Variants in LARP4 observed in about 807,000 individuals in gnomAD.
LARP4 encodes la-related protein 4.
A neutral mutation model predicts 92.9 loss-of-function variants in LARP4; 29 were observed. The ratio of observed to expected loss-of-function variants is 0.31; its 90% confidence interval spans 0.23 to 0.43. The LOEUF is 0.43. LARP4 is among the 20% of genes least tolerant of loss of function. The probability of loss-of-function intolerance (pLI) is 1.00; values close to 1 mark genes in which losing one functional copy is unlikely to be tolerated. For missense variants in LARP4, 732 were observed against 860.0 expected (o/e 0.85, Z 1.86); for synonymous variants, 279 against 284.1 (o/e 0.98, Z 0.18).
At chr12:50,468,532 C>A (rs1294752705) in intron 13 of LARP4, among the ~76,000 whole-genome samples, 4 of 146,454 alleles carry the variant, frequency 2.7e-5, no homozygotes, top group South Asian at 2.2e-4. Context: ...CTCCTGACAT[C>A]GTGATCCGCC....
intron 12 of LARP4, among the ~76,000 whole-genome samples, chr12:50,466,622 A>G (rs1273969447): frequency 6.6e-6 from 1 of 152,194 alleles, no homozygotes; most frequent in East Asian, 1.9e-4. Flanking sequence ...TCAAAAAAAA[A>G]AGAGTTGATA....
chr12:50,400,919 AGT>A lies in LARP4; in HGVS notation c.-85_-84del, dbSNP rs1943688811. ...CACTGCCGGGTGGAGGGGCAAGGCG[AGT>A]GTGTGTCCTTATCCTAGCAATTGGG... On this transcript the variant is annotated 5_prime_UTR_variant, in exon 1 of 16. Coordinates refer to ENST00000398473, the MANE Select transcript of LARP4 (RefSeq NM_052879.5). The A allele has an allele frequency of 1.3e-6, 2 of 1,566,740 alleles. No homozygotes were observed. The highest frequency in any genetic ancestry group is 2.7e-5 in the African/African-American group (2 of 73,916).
At position 50,474,093 on chromosome 12, in the gene LARP4, A is replaced by T. The variant is rs376999643; in HGVS notation, c.1762A>T (p.Thr588Ser). 4 of 1,613,160 alleles carry T rather than the reference A, an allele frequency of 2.5e-6. No homozygotes were observed. In the South Asian group the frequency reaches 4.4e-5, roughly 18 times the overall value. The change falls in exon 15 of 16, where the codon ACA becomes TCA. Residue 588 changes from threonine to serine, a missense_variant. Physicochemically the swap from Thr to Ser is moderately conservative, Grantham distance 58. Coordinates refer to ENST00000398473, the MANE Select transcript of LARP4 (RefSeq NM_052879.5). ...TATACCAGTTTCTCCTCCAAGTACT[A>T]CAAAGCCATCGAGGGCAAGTACTGC... ...TTIPVSPPSTTKPSRASTASP... is the reference protein window; with the variant it reads ...TTIPVSPPSTSKPSRASTASP...
rs546813885 is a variant in LARP4, at chr12:50,472,896, T to G, written c.1546-519T>G. 1.4e-4 allele frequency among the ~76,000 whole-genome samples: 22 copies of G among 151,996 alleles called. No individual in the cohort carries two copies. The East Asian group carries it at 4.1e-3, about 28-fold the overall frequency. ...GTGCAGTGGTGCAATCTTGGCTCAC[T>G]GCAACCTCCGCCTCCCAGGTCCTGG... On this transcript the variant is annotated intron_variant, in intron 13 of 15. Transcript: ENST00000398473.
intron 1 of LARP4, among the ~76,000 whole-genome samples, chr12:50,420,153 A>G (rs1278980900): frequency 7.9e-5 from 12 of 152,204 alleles, no homozygotes; most frequent in Admixed American, 7.9e-4. Flanking sequence ...AAAGTTGATC[A>G]GATAGATTTG....
At chr12:50,466,473 T>C (rs1956163213) in intron 12 of LARP4, among the ~76,000 whole-genome samples, 1 of 151,832 alleles carries the variant, frequency 6.6e-6, no homozygotes, top group Non-Finnish European at 1.5e-5. Context: ...AATAAAAATT[T>C]AGCCAGGTGT....
intron 5 of LARP4, among the ~76,000 whole-genome samples, chr12:50,437,413 A>G (rs955290630): frequency 3.3e-5 from 5 of 151,754 alleles, no homozygotes; most frequent in African/African-American, 9.6e-5. Context: ...TATCTCCTCA[A>G]TGAAGAATTT....
chr12:50,474,961 C>T (rs944374367), intron 15 of LARP4, among the ~76,000 whole-genome samples: 2 of 152,212 alleles, frequency 1.3e-5, no homozygotes, highest in African/African-American at 4.8e-5. Context: ...ATTTAGAAGA[C>T]TATCTTCTCA....
intron 8 of LARP4, among the ~76,000 whole-genome samples, chr12:50,448,284 A>G (rs114494254): frequency 0.013 from 1,990 of 152,262 alleles, 48 homozygotes; most frequent in African/African-American, 0.044. Context: ...TGTACAGTTT[A>G]GTGCTATTAA....
intron 8 of LARP4, among the ~76,000 whole-genome samples, chr12:50,444,738 T>C (rs1951742591): frequency 6.6e-6 from 1 of 152,196 alleles, no homozygotes. Context: ...CATTTCCTAA[T>C]TTATTGATGA....
At chr12:50,451,147 T>C (rs1384663205) in intron 8 of LARP4, among the ~76,000 whole-genome samples, 1 of 152,194 alleles carries the variant, frequency 6.6e-6, no homozygotes, top group Non-Finnish European at 1.5e-5. Context: ...TTATTAACTA[T>C]CATCACCCTG....
intron 1 of LARP4, 169 bp downstream of exon 1, chr12:50,401,197 A>G: frequency 1.3e-6 from 1 of 741,834 alleles, no homozygotes; most frequent in East Asian, 2.5e-5. Context: ...CTGCGCGCTC[A>G]CAACACTCTA....
intron 1 of LARP4, among the ~76,000 whole-genome samples, chr12:50,426,049 C>T (rs1433880101): frequency 6.6e-6 from 1 of 152,162 alleles, no homozygotes; most frequent in East Asian, 1.9e-4. Context: ...TCCTCCCCGC[C>T]TCCACCCACT....
chr12:50,477,532 G>A lies in LARP4; in HGVS notation c.*1668G>A, dbSNP rs184114185. ...AAATGGTGGTTAAAATTACATTACT[G>A]TGAAATTCATCTTCCAACTCTAAGT... On this transcript the variant is annotated 3_prime_UTR_variant, in exon 16 of 16. Coordinates refer to ENST00000398473, the MANE Select transcript of LARP4 (RefSeq NM_052879.5). The A allele has an allele frequency of 1.3e-5, 2 of 152,592 alleles. No homozygotes were observed. The highest frequency in any genetic ancestry group is 2.9e-5 in the Non-Finnish European group (2 of 67,940). 9.5% of individuals were successfully genotyped at this position (152,592 alleles called of 1,614,324 possible). A position where few individuals can be genotyped will look rare whatever the true frequency, so the allele number is the denominator to read the frequency against.
chr12:50,466,586 C>T lies in LARP4; in HGVS notation c.1384-373C>T, dbSNP rs537581822. ...CTATGATTGTGTCACTGCATTTCAG[C>T]CTTGGTGACAAACTAAGACCCTGTC... On this transcript the variant is annotated intron_variant, in intron 12 of 15. Coordinates refer to ENST00000398473, the MANE Select transcript of LARP4 (RefSeq NM_052879.5). Among the ~76,000 whole-genome samples, 4 of 152,066 alleles carry T rather than the reference C, an allele frequency of 2.6e-5. No homozygotes were observed. The South Asian group carries it at 6.2e-4, about 24-fold the overall frequency.
At chr12:50,458,173 C>T (rs910594648) in intron 10 of LARP4, among the ~76,000 whole-genome samples, 2 of 151,876 alleles carry the variant, frequency 1.3e-5, no homozygotes, top group African/African-American at 4.8e-5. Flanking sequence ...TCCTGGGCTC[C>T]AATGATCCTC....
At chr12:50,467,269 T>C (rs931768478) in intron 13 of LARP4, 149 bp downstream of exon 13, 1 of 553,310 alleles carries the variant, frequency 1.8e-6, no homozygotes, top group African/African-American at 1.9e-5. Context: ...AGTGTTTTTT[T>C]AAAGATTCAT....
intron 10 of LARP4, 175 bp downstream of exon 10, chr12:50,454,592 A>G (rs1246714288): frequency 4.4e-6 from 2 of 454,536 alleles, no homozygotes; most frequent in Non-Finnish European, 3.8e-6. Context: ...AAACACTTTG[A>G]CCTTTGAGTT....
rs1480223484 is a variant in LARP4 at position 50,467,193 on chromosome 12, AT to A, written c.1545+77del. ...TTTATTTGCAGTGTTGTTATTTAAA[AT>A]TTTACTTGCACTTAGTGTACATTTC... On this transcript the variant is annotated intron_variant, in intron 13 of 15. Coordinates refer to ENST00000398473, the MANE Select transcript of LARP4 (RefSeq NM_052879.5). The A allele has an allele frequency of 7.5e-6, 9 of 1,203,046 alleles. No homozygotes were observed. In the East Asian group the frequency reaches 1.9e-4, roughly 26 times the overall value. 74.5% of individuals were successfully genotyped at this position (1,203,046 alleles called of 1,614,324 possible). A position where few individuals can be genotyped will look rare whatever the true frequency, so the allele number is the denominator to read the frequency against.
Sources: allele counts gnomAD v4.1 joint callset (sites outside exome capture counted in the v4.1 genomes callset), GRCh38; gene constraint gnomAD v4.1.1; transcripts MANE v1.5; gene names NCBI Gene and HGNC (gene_info 2026-07-23, HGNC 2026-07-21).